The following PTOV1 variants were observed in gnomAD, a reference collection of about 807,000 sequenced individuals.
PTOV1 encodes PTOV1 extended AT-hook containing adaptor protein.
In PTOV1, 20 loss-of-function variants were observed where a neutral mutation model predicts 58.0. That is an observed-to-expected ratio of 0.34 (90% CI 0.24 to 0.50). The LOEUF is 0.50. Among genes scored for constraint, PTOV1 ranks in the 20% least tolerant of loss-of-function variants. PTOV1 has a pLI of 0.98. For synonymous variants in PTOV1, 335 were observed against 234.2 expected (o/e 1.43, Z -3.93); for missense variants, 593 against 565.4 (o/e 1.05, Z -0.50).
At chr19:49,851,232 G>A (rs1213410269) in exon 1 of PTOV1, 4 of 1,135,388 alleles carry the variant, frequency 3.5e-6, no homozygotes, top group Non-Finnish European at 4.3e-6. Flanking sequence ...CGTCTCCCCC[G>A]AAGCCGCGCG....
exon 1 of PTOV1, chr19:49,851,312 C>A: frequency 9.5e-7 from 1 of 1,054,826 alleles, no homozygotes; most frequent in Non-Finnish European, 1.1e-6. Context: ...TCCCCGCCCG[C>A]TCGGCCCGCG....
At chr19:49,857,551 G>A (rs915004591) in intron 6 of PTOV1, 142 bp from the exon 7 acceptor site, 4 of 774,324 alleles carry the variant, frequency 5.2e-6, no homozygotes, top group South Asian at 1.7e-5. Flanking sequence ...GAGGGGCAGG[G>A]CCTGTTCCCC....
At chr19:49,850,819 C>T (rs2074210462), upstream of PTOV1, 9 of 1,527,358 alleles carry the variant, frequency 5.9e-6, no homozygotes, top group Middle Eastern at 3.3e-4. Context: ...ATTATTCCGT[C>T]CTCCCCTCTT....
exon 6 of PTOV1, chr19:49,857,062 G>A (rs1452058325): frequency 6.2e-7 from 1 of 1,614,102 alleles, no homozygotes; most frequent in East Asian, 2.2e-5. Context: ...GATCTTCATG[G>A]GCCTCATCCC....
intron 5 of PTOV1, chr19:49,855,999 C>T (rs568985980): frequency 6.6e-6 from 1 of 152,250 alleles, no homozygotes; most frequent in Non-Finnish European, 1.5e-5. Context: ...CTGGGACATT[C>T]CCAGTCCCTG....
chr19:49,854,120 G>T (rs1422214286), intron 1 of PTOV1, among the ~76,000 whole-genome samples: 2 of 152,340 alleles, frequency 1.3e-5, no homozygotes, highest in East Asian at 3.9e-4. Flanking sequence ...TGGGGCAAAG[G>T]CTGGAGGTGG....
chr19:49,857,026 A>G, exon 6 of PTOV1: 2 of 1,613,986 alleles, frequency 1.2e-6, no homozygotes, highest in Non-Finnish European at 1.7e-6. Flanking sequence ...GCGCGTGCTC[A>G]TGCTCCTGTA....
At chr19:49,857,763 G>A (rs1329804751) in exon 7 of PTOV1, 1 of 1,614,014 alleles carries the variant, frequency 6.2e-7, no homozygotes, top group Non-Finnish European at 8.5e-7. Flanking sequence ...GCATGGAGTG[G>A]TGTCATGGAG....
At chr19:49,854,875 C>T in exon 4 of PTOV1, 1 of 1,613,196 alleles carries the variant, frequency 6.2e-7, no homozygotes, top group Non-Finnish European at 8.5e-7. Context: ...CAGCTGATCC[C>T]TCAGCAGCTG....
chr19:49,857,364 C>T (rs535720320), intron 6 of PTOV1: 21 of 638,110 alleles, frequency 3.3e-5, no homozygotes, highest in African/African-American at 2.4e-4. Flanking sequence ...GGGAAGCCAG[C>T]GGAGCGGGGA....
In PTOV1 at chr19:49,857,682, C is replaced by T; in HGVS notation, c.715-11C>T. The T allele has an allele frequency of 6.2e-7, 1 of 1,613,148 alleles. No individual in the cohort carries two copies. ...CTGGGCCCCTCTTCCCACCCCGTTC[C>T]CTTCCAACAGGCAGTGGGACCTGGT... On this transcript the variant is annotated splice_polypyrimidine_tract_variant and intron_variant, in intron 6 of 11. Coordinates refer to ENST00000391842, the Ensembl canonical transcript of PTOV1.
intron 9 of PTOV1, 71 bp downstream of exon 9, chr19:49,858,185 A>C (rs1393419757): frequency 6.4e-7 from 1 of 1,551,954 alleles, no homozygotes; most frequent in Non-Finnish European, 8.7e-7. Context: ...TGGGGGCAAG[A>C]GCGCCTCCCC....
At chr19:49,858,865 C>G (rs55927506) in intron 10 of PTOV1, 22,272 of 532,176 alleles carry the variant, frequency 0.042, 736 homozygotes, top group South Asian at 0.12. Context: ...GGGGCCTGCT[C>G]CTCCTCTGCC....
At chr19:49,857,177 C>A in intron 6 of PTOV1, 47 bp downstream of exon 6, 1 of 1,606,902 alleles carries the variant, frequency 6.2e-7, no homozygotes, top group Non-Finnish European at 8.5e-7. Flanking sequence ...GGGGATTAGA[C>A]CCCACTGCCC....
chr19:49,860,563 C>T (rs768049190), exon 12 of PTOV1: 7 of 573,872 alleles, frequency 1.2e-5, no homozygotes, highest in African/African-American at 1.9e-5. Context: ...GATGTGGGGT[C>T]AGTGCTTGGG....
At position 49,857,952 on chromosome 19, in the gene PTOV1, G is replaced by A. The variant is rs901674296; in HGVS notation, c.853G>A (p.Val285Ile). ...GTCCAAGAGGTGGCTGCCATCCCAC[G>A]TCTACGTGAACCAGGGGGAGATCCT... The change falls in exon 8 of 12, where the codon GTC becomes ATC. Residue 285 changes from valine (V) to isoleucine (I), a missense_variant. Physicochemically the swap from Val to Ile is conservative, Grantham distance 29 (BLOSUM62 3). Coordinates refer to ENST00000391842, the Ensembl canonical transcript of PTOV1. The A allele has an allele frequency of 1.5e-5, 24 of 1,613,688 alleles. No individual in the cohort carries two copies. Among genetic ancestry groups the A allele is most frequent in the Middle Eastern group, 1.6e-4 (1 of 6,078 alleles).
chr19:49,855,217 G>A, intron 5 of PTOV1, 140 bp downstream of exon 5: 1 of 758,734 alleles, frequency 1.3e-6, no homozygotes, highest in South Asian at 1.6e-5. Context: ...GACCCCATCT[G>A]GAAATGACTG....
intron 9 of PTOV1, 40 bp downstream of exon 9, chr19:49,858,154 AG>A (rs748235792): frequency 1.2e-5 from 20 of 1,604,304 alleles, no homozygotes; most frequent in Non-Finnish European, 1.6e-5. Context: ...TGCACGCAGT[AG>A]CTCTTCCAGA....
chr19:49,854,217 G>T (rs1366864108), intron 1 of PTOV1, among the ~76,000 whole-genome samples, 189 bp from the exon 2 acceptor site: 1 of 152,160 alleles, frequency 6.6e-6, no homozygotes, highest in East Asian at 1.9e-4. Flanking sequence ...GGTGGGCAGC[G>T]GGAAAGGACA....
Sources: gnomAD v4.1 joint callset for allele counts (sites outside exome capture counted in the v4.1 genomes callset) on GRCh38, gnomAD v4.1.1 for gene constraint, MANE v1.5 for transcripts, NCBI Gene and HGNC (gene_info 2026-07-23, HGNC 2026-07-21) for gene names.